The following RALY variants were observed in gnomAD, a reference collection of about 807,000 sequenced individuals.
RALY encodes RNA-binding protein Raly.
In RALY, 15 loss-of-function variants were observed where a neutral mutation model predicts 30.7. The observed-to-expected ratio is 0.49, with a 90% CI of 0.33 to 0.75. RALY has a LOEUF of 0.75. RALY is among the 30% of genes least tolerant of loss of function. The probability of loss-of-function intolerance (pLI) is 0.02; values close to 1 mark genes in which losing one functional copy is unlikely to be tolerated. For missense variants in RALY, 339 were observed against 414.3 expected, an observed-to-expected ratio of 0.82 and a Z score of 1.58; for synonymous variants, 177 against 170.8, an observed-to-expected ratio of 1.04 and a Z score of -0.28.
chr20:34,069,695 T>C (rs749769843), intron 2 of RALY, among the ~76,000 whole-genome samples: 2 of 152,198 alleles, frequency 1.3e-5, no homozygotes, highest in Non-Finnish European at 1.5e-5. Context: ...GGCAAGCCCA[T>C]GGGAAAAACA....
intron 1 of RALY, among the ~76,000 whole-genome samples, chr20:34,020,661 A>G (rs568747296): frequency 6.6e-6 from 1 of 152,348 alleles, no homozygotes; most frequent in African/African-American, 2.4e-5. Context: ...AGCCACACTC[A>G]TTTGTTCATC....
chr20:34,029,480 G>A (rs1160433508), intron 1 of RALY, among the ~76,000 whole-genome samples: 1 of 86,768 alleles, frequency 1.2e-5, no homozygotes, highest in Non-Finnish European at 2.2e-5. Context: ...AGGGAGGAAA[G>A]GGAGGGAGGG....
intron 2 of RALY, among the ~76,000 whole-genome samples, chr20:34,046,616 C>G (rs771076071): frequency 1.3e-5 from 2 of 152,118 alleles, no homozygotes; most frequent in Non-Finnish European, 2.9e-5. Context: ...AAAGGACTTA[C>G]CACTGCAAGT....
At chr20:34,039,420 T>G (rs1292833206) in intron 2 of RALY, among the ~76,000 whole-genome samples, 1 of 152,232 alleles carries the variant, frequency 6.6e-6, no homozygotes, top group African/African-American at 2.4e-5. Context: ...CTATTTCTCT[T>G]TGCATCCTCC....
At chr20:34,006,215 C>A (rs1168555217) in intron 1 of RALY, among the ~76,000 whole-genome samples, 1 of 152,192 alleles carries the variant, frequency 6.6e-6, no homozygotes, top group African/African-American at 2.4e-5. Flanking sequence ...TTGGCTTCAA[C>A]AGTTAGCAAT....
chr20:34,069,926 A>G (rs1434051076), intron 2 of RALY, among the ~76,000 whole-genome samples: 1 of 152,094 alleles, frequency 6.6e-6, no homozygotes. Flanking sequence ...TGCTGACTCT[A>G]GTATATCCAT....
intron 1 of RALY, among the ~76,000 whole-genome samples, chr20:34,024,376 C>T (rs565670473): frequency 1.3e-5 from 2 of 152,274 alleles, no homozygotes; most frequent in South Asian, 2.1e-4. Flanking sequence ...CTTGATAATT[C>T]CTGCAGGGTT....
At chr20:34,003,046 C>G (rs1263460951) in intron 1 of RALY, among the ~76,000 whole-genome samples, 2 of 152,040 alleles carry the variant, frequency 1.3e-5, no homozygotes, top group Non-Finnish European at 2.9e-5. Flanking sequence ...AGCAAGGAGC[C>G]CTAGTAAATG....
chr20:34,045,525 G>A (rs1272429394), intron 2 of RALY, among the ~76,000 whole-genome samples: 1 of 152,164 alleles, frequency 6.6e-6, no homozygotes, highest in African/African-American at 2.4e-5. Flanking sequence ...AGGTCCATTG[G>A]GCTGATGAGG....
At chr20:34,052,091 C>T (rs1166075373) in intron 2 of RALY, among the ~76,000 whole-genome samples, 2 of 152,036 alleles carry the variant, frequency 1.3e-5, no homozygotes, top group African/African-American at 4.8e-5. Flanking sequence ...GAGATCTGTC[C>T]CAGTGTGTCT....
intron 1 of RALY, among the ~76,000 whole-genome samples, chr20:34,020,950 T>C (rs538134080): frequency 4.9e-5 from 7 of 144,316 alleles, no homozygotes; most frequent in Admixed American, 3.4e-4. Flanking sequence ...TGTCTTTTTC[T>C]TTTTTTTTTT....
intron 2 of RALY, among the ~76,000 whole-genome samples, chr20:34,037,026 G>A (rs2032521786): frequency 6.6e-6 from 1 of 151,768 alleles, no homozygotes; most frequent in South Asian, 2.1e-4. Flanking sequence ...TTAAGGATTC[G>A]TTCATTGATT....
chr20:33,995,092 A>G (rs2030547559), intron 1 of RALY, among the ~76,000 whole-genome samples: 1 of 152,284 alleles, frequency 6.6e-6, no homozygotes, highest in African/African-American at 2.4e-5. Context: ...GGGTCACACC[A>G]TTTAATTAGG....
At chr20:34,042,977 A>G (rs976332708) in intron 2 of RALY, among the ~76,000 whole-genome samples, 2 of 152,256 alleles carry the variant, frequency 1.3e-5, no homozygotes, top group African/African-American at 2.4e-5. Context: ...TTTCCTTAAC[A>G]TACAATCACT....
chr20:34,030,639 T>G (rs377043019), intron 1 of RALY, among the ~76,000 whole-genome samples: 10 of 152,322 alleles, frequency 6.6e-5, no homozygotes, highest in South Asian at 2.1e-4. Context: ...ACTCCCAGTT[T>G]TACCACTTGA....
chr20:34,035,211 G>C (rs1395203263), intron 2 of RALY, among the ~76,000 whole-genome samples: 1 of 140,932 alleles, frequency 7.1e-6, no homozygotes, highest in Non-Finnish European at 1.5e-5. Context: ...ACTTAATTTA[G>C]GAGCAGCACC....
intron 2 of RALY, among the ~76,000 whole-genome samples, chr20:34,046,127 C>G (rs922252945): frequency 2.6e-5 from 4 of 152,188 alleles, no homozygotes; most frequent in African/African-American, 9.7e-5. Flanking sequence ...TCTGCAAAGA[C>G]ATGTTGCTAA....
chr20:34,023,973 G>GAAGCT (rs2031925355), intron 1 of RALY, among the ~76,000 whole-genome samples: 3 of 152,116 alleles, frequency 2.0e-5, no homozygotes, highest in Non-Finnish European at 4.4e-5. Context: ...GTCCAAGGCG[G>GAAGCT]GCGGATCACC....
At chr20:33,996,023 T>TACTAA (rs1397350758) in intron 1 of RALY, among the ~76,000 whole-genome samples, 2 of 152,228 alleles carry the variant, frequency 1.3e-5, no homozygotes, top group Non-Finnish European at 2.9e-5. Flanking sequence ...AGCACAGGTG[T>TACTAA]ACTAGTTCTC....
Sources: gnomAD v4.1 joint callset for allele counts (sites outside exome capture counted in the v4.1 genomes callset) on GRCh38, gnomAD v4.1.1 for gene constraint, MANE v1.5 for transcripts, NCBI Gene and HGNC (gene_info 2026-07-23, HGNC 2026-07-21) for gene names.